The following AHCTF1 variants were observed in gnomAD, a reference collection of about 807,000 sequenced individuals.
AHCTF1 encodes protein ELYS.
In AHCTF1, 24 loss-of-function variants were observed where a neutral mutation model predicts 248.4. The ratio of observed to expected loss-of-function variants is 0.10; its 90% confidence interval spans 0.07 to 0.14. The LOEUF (loss-of-function observed/expected upper bound fraction) is 0.14. Among genes scored for constraint, AHCTF1 ranks in the 10% least tolerant of loss-of-function variants. The probability of loss-of-function intolerance (pLI) is 1.00; values close to 1 mark genes in which losing one functional copy is unlikely to be tolerated. For missense variants in AHCTF1, 2,206 were observed against 2,636.2 expected, an observed-to-expected ratio of 0.84 and a Z score of 3.57; for synonymous variants, 786 against 929.8, an observed-to-expected ratio of 0.85 and a Z score of 2.81.
chr1:246,870,083 G>C (rs545557792), intron 24 of AHCTF1, among the ~76,000 whole-genome samples: 1 of 152,138 alleles, frequency 6.6e-6, no homozygotes, highest in Non-Finnish European at 1.5e-5. Flanking sequence ...AACTTTTGAG[G>C]GCTTCAAGAC....
chr1:246,910,454 A>G (rs1665720857), intron 4 of AHCTF1, among the ~76,000 whole-genome samples: 1 of 152,348 alleles, frequency 6.6e-6, no homozygotes, highest in African/African-American at 2.4e-5. Context: ...TTATGTAATA[A>G]AATATCCCTA....
At chr1:246,895,612 C>A (rs1316132929) in intron 13 of AHCTF1, among the ~76,000 whole-genome samples, 1 of 152,184 alleles carries the variant, frequency 6.6e-6, no homozygotes, top group East Asian at 1.9e-4. Context: ...GCTGTAACGG[C>A]AGCATGAGGG....
At chr1:246,931,408 C>G (rs1667349928) in intron 1 of AHCTF1, 170 bp downstream of exon 1, 1 of 1,493,076 alleles carries the variant, frequency 6.7e-7, no homozygotes, top group African/African-American at 1.4e-5. Context: ...CGCCACCGCT[C>G]GCCCCCTCGA....
At position 246,840,264 on chromosome 1, in the gene AHCTF1, G is replaced by C. The variant is rs1180787354; in HGVS notation, c.*542C>G. On this transcript the variant is annotated 3_prime_UTR_variant, in exon 36 of 36. Transcript: ENST00000648844. ...TTGAGGTAGATTACACAAAATTTGT[G>C]AAACTACAAAGATGGCAAAATGACA... is the stretch of plus-strand genomic sequence containing the variant. 1.3e-5 allele frequency: 2 copies of C among 152,498 alleles called. No homozygotes were observed. The highest frequency in any genetic ancestry group is 2.4e-5 in the African/African-American group (1 of 41,418). 9.4% of individuals were successfully genotyped at this position (152,498 alleles called of 1,614,324 possible).
intron 11 of AHCTF1, among the ~76,000 whole-genome samples, chr1:246,898,802 T>C (rs1436132220): frequency 2.0e-5 from 3 of 152,232 alleles, no homozygotes; most frequent in African/African-American, 7.2e-5. Context: ...AAAAGCATTT[T>C]TCAGGCCAGG....
intron 4 of AHCTF1, among the ~76,000 whole-genome samples, 172 bp from the exon 5 acceptor site, chr1:246,907,930 TTATC>T (rs1267038397): frequency 6.6e-6 from 1 of 152,230 alleles, no homozygotes; most frequent in Non-Finnish European, 1.5e-5. Flanking sequence ...ATTGCCATCC[TTATC>T]TATTTAAATG....
Position 246,840,292 on chromosome 1 carries a change from C to A in AHCTF1, c.*514G>T, listed in dbSNP as rs1659765512. The A allele has an allele frequency of 6.6e-6, 1 of 152,486 alleles. No homozygotes were observed. The highest frequency in any genetic ancestry group is 1.5e-5 in the Non-Finnish European group (1 of 68,024). 9.4% of individuals were successfully genotyped at this position (152,486 alleles called of 1,614,324 possible). On this transcript the variant is annotated 3_prime_UTR_variant, in exon 36 of 36. Coordinates refer to ENST00000648844, the MANE Select transcript of AHCTF1 (RefSeq NM_001323342.2). ...ACTACAAAGATGGCAAAATGACATG[C>A]CCATAATTCAATTTTAACATAGTAA...
At chr1:246,911,365 T>C (rs1398865839) in intron 4 of AHCTF1, among the ~76,000 whole-genome samples, 1 of 152,214 alleles carries the variant, frequency 6.6e-6, no homozygotes, top group African/African-American at 2.4e-5. Flanking sequence ...TCATTTTTAG[T>C]TATTGCTTTT....
At chr1:246,893,154 GCT>G (rs906752004) in intron 14 of AHCTF1, among the ~76,000 whole-genome samples, 10 of 152,008 alleles carry the variant, frequency 6.6e-5, no homozygotes, top group Non-Finnish European at 1.5e-4. Context: ...CAAAACATGA[GCT>G]CTGACAAACA....
In AHCTF1 at chr1:246,839,569, C is replaced by T. The variant is rs1659698496; in HGVS notation, c.*1237G>A. On this transcript the variant is annotated 3_prime_UTR_variant, in exon 36 of 36. Coordinates refer to ENST00000648844, the MANE Select transcript of AHCTF1 (RefSeq NM_001323342.2). ...CGCACTCGCACTGCTTTCACACTGT[C>T]AACACTTTGCGTAGGCATTTTCACC... 2.0e-6 allele frequency: 2 copies of T among 985,758 alleles called. No homozygotes were observed. The highest frequency in any genetic ancestry group is 4.7e-5 in the South Asian group (1 of 21,294). The allele number at this position is 985,758 out of a possible 1,614,324, so 61.1% of individuals were successfully genotyped here.
chr1:246,918,177 T>G, intron 2 of AHCTF1, 73 bp downstream of exon 2: 3 of 1,335,582 alleles, frequency 2.2e-6, no homozygotes, highest in Non-Finnish European at 2.0e-6. Context: ...ATAAAGAAAC[T>G]ATAATATATA....
intron 24 of AHCTF1, among the ~76,000 whole-genome samples, chr1:246,868,979 G>C (rs1201118184): frequency 7.0e-6 from 1 of 142,850 alleles, no homozygotes; most frequent in East Asian, 1.9e-4. Flanking sequence ...TGAGTAGCTG[G>C]GACTACAGGC....
chr1:246,866,267 T>C (rs183915973), intron 26 of AHCTF1, among the ~76,000 whole-genome samples: 54 of 151,840 alleles, frequency 3.6e-4, no homozygotes, highest in Non-Finnish European at 5.0e-4. Context: ...CTATTATTGC[T>C]CCCCGCAACC....
At chr1:246,858,061 G>A (rs577389594) in intron 29 of AHCTF1, among the ~76,000 whole-genome samples, 2 of 150,980 alleles carry the variant, frequency 1.3e-5, no homozygotes, top group African/African-American at 4.9e-5. Flanking sequence ...CCAGGTTCAC[G>A]CCATTCTCCT....
At chr1:246,931,348 C>G (rs1451744431) in intron 1 of AHCTF1, 2 of 1,542,342 alleles carry the variant, frequency 1.3e-6, no homozygotes, top group Non-Finnish European at 1.7e-6. Flanking sequence ...TCCTCCGGTC[C>G]GAGATTATGT....
chr1:246,877,040 C>G lies in AHCTF1; in HGVS notation c.2847G>C (p.Gln949His). ...GGTGCACTAAAAGGAATTCATGATT[C>G]TGAACGCTGGCACTGGACTGCAAAA... ...VKFLQSSASV[Q>H]NHEFLLVHHL... The change falls in exon 23 of 36, where the codon CAG becomes CAC. Residue 949 changes from glutamine (Q) to histidine (H), a missense_variant. Gln to His is a conservative substitution (Grantham distance 24). Transcript: ENST00000648844. The G allele has an allele frequency of 3.7e-6, 6 of 1,612,180 alleles. No individual in the cohort carries two copies. The highest frequency in any genetic ancestry group is 5.1e-6 in the Non-Finnish European group (6 of 1,179,978).
At chr1:246,893,767 A>G (rs1184327332) in intron 14 of AHCTF1, among the ~76,000 whole-genome samples, 2 of 152,256 alleles carry the variant, frequency 1.3e-5, no homozygotes, top group African/African-American at 4.8e-5. Context: ...AGGGTTACCT[A>G]GCACATTCCG....
Position 246,855,790 on chromosome 1 carries a change from C to T in AHCTF1, c.4294G>A (p.Asp1432Asn). Residue 1432 changes from aspartate to asparagine, a missense_variant, in exon 31 of 36, where the codon GAC becomes AAC. Physicochemically the swap from Asp to Asn is conservative, Grantham distance 23 (BLOSUM62 1). Coordinates refer to ENST00000648844, the MANE Select transcript of AHCTF1 (RefSeq NM_001323342.2). ...FTQKSKVPVLDEGLTSVETYT... is the reference protein window; with the variant it reads ...FTQKSKVPVLNEGLTSVETYT... ...GTTTCAACAGATGTTAATCCTTCGT[C>T]CAACACTGGTACCTTGGACTTCTGG... 1 of 1,613,414 alleles carries T rather than the reference C, an allele frequency of 6.2e-7. No homozygotes were observed. The highest frequency in any genetic ancestry group is 8.5e-7 in the Non-Finnish European group (1 of 1,179,706).
rs182419335 is a variant in AHCTF1 at position 246,862,269 on chromosome 1, A to G, written c.3541-116T>C. On this transcript the variant is annotated intron_variant, in intron 27 of 35. Transcript: ENST00000648844. ...GCAGAGGCAGGCGGATCACCAGGTC[A>G]GGAGATCGAGACCATCCTGGCTAAC... The G allele has an allele frequency of 2.5e-4, 155 of 620,502 alleles. 3 individuals are homozygous for G. In the Middle Eastern group the frequency reaches 4.3e-3, roughly 17 times the overall value. The allele number at this position is 620,502 out of a possible 1,614,324, so 38.4% of individuals were successfully genotyped here.
Sources: allele counts gnomAD v4.1 joint callset (sites outside exome capture counted in the v4.1 genomes callset), GRCh38; gene constraint gnomAD v4.1.1; transcripts MANE v1.5; gene names NCBI Gene and HGNC (gene_info 2026-07-23, HGNC 2026-07-21).